The following BCKDHB variants were observed in gnomAD, a reference collection of about 807,000 sequenced individuals.
The protein encoded by BCKDHB is 2-oxoisovalerate dehydrogenase subunit beta, mitochondrial.
BCKDHB carries 41 observed loss-of-function variants against 48.5 expected under a neutral mutation model. The ratio of observed to expected loss-of-function variants is 0.85; its 90% CI spans 0.66 to 1.10. The LOEUF is 1.10. Among genes scored for constraint, BCKDHB ranks in the 50% least tolerant of loss-of-function variants. BCKDHB has a pLI of 0.00. For missense variants in BCKDHB, 496 were observed against 494.2 expected (o/e 1.00, Z -0.03); for synonymous variants, 201 against 174.8 (o/e 1.15, Z -1.18).
At chr6:80,430,930 C>G in the BCKDHB span, among the ~76,000 whole-genome samples, 1 of 151,806 alleles carries the variant, frequency 6.6e-6, no homozygotes. Context: ...GATTTTATAT[C>G]TTTCCTGTCT....
chr6:80,154,984 A>G (rs1409203256), intron 3 of BCKDHB, among the ~76,000 whole-genome samples: 1 of 152,214 alleles, frequency 6.6e-6, no homozygotes, highest in Admixed American at 6.5e-5. Flanking sequence ...AGAAACATGT[A>G]TAAATTTCCA....
At chr6:80,129,121 A>T in intron 2 of BCKDHB, 40 bp from the exon 3 acceptor site, 1 of 1,363,818 alleles carries the variant, frequency 7.3e-7, no homozygotes, top group Admixed American at 1.7e-5. Flanking sequence ...TTATTTAGAG[A>T]TTATTAAATA....
chr6:80,457,235 C>G, the BCKDHB span, among the ~76,000 whole-genome samples: 140,034 of 152,264 alleles, frequency 0.92, 64,482 homozygotes, highest in East Asian at 0.99. Flanking sequence ...GTGAGCTTGG[C>G]ACACGTGAGT....
intron 9 of BCKDHB, among the ~76,000 whole-genome samples, chr6:80,323,889 C>T (rs1045668184): frequency 4.5e-4 from 68 of 152,260 alleles, no homozygotes; most frequent in African/African-American, 1.6e-3. Flanking sequence ...TCTCCTGTCT[C>T]AGCCTCCGGA....
chr6:80,276,140 G>A (rs1229890434), intron 9 of BCKDHB, among the ~76,000 whole-genome samples: 1 of 151,908 alleles, frequency 6.6e-6, no homozygotes, highest in Non-Finnish European at 1.5e-5. Context: ...TTCAACAAAT[G>A]CAAGTTTTAT....
intron 8 of BCKDHB, among the ~76,000 whole-genome samples, chr6:80,224,086 A>G (rs995981002): frequency 2.6e-5 from 4 of 152,208 alleles, no homozygotes; most frequent in Non-Finnish European, 5.9e-5. Flanking sequence ...AAAATGTTTC[A>G]CAATTATGAG....
chr6:80,321,391 T>A (rs567047188), intron 9 of BCKDHB, among the ~76,000 whole-genome samples: 1 of 152,348 alleles, frequency 6.6e-6, no homozygotes, highest in South Asian at 2.1e-4. Flanking sequence ...TCTATAGTCC[T>A]ATCCCTCGTC....
chr6:80,168,525 AT>A (rs1234423575), intron 4 of BCKDHB, among the ~76,000 whole-genome samples: 2 of 118,360 alleles, frequency 1.7e-5, no homozygotes, highest in Non-Finnish European at 3.4e-5. Flanking sequence ...TCATTGTGCT[AT>A]GGGAAAGGAA....
the BCKDHB span, chr6:80,356,044 A>G: frequency 6.6e-6 from 1 of 152,324 alleles, no homozygotes; most frequent in South Asian, 2.1e-4. Context: ...CAGGCCTCAC[A>G]GCTGTTCATC....
the BCKDHB span, among the ~76,000 whole-genome samples, chr6:80,443,144 C>T: frequency 6.6e-6 from 1 of 152,098 alleles, no homozygotes; most frequent in African/African-American, 2.4e-5. Context: ...TCCCTTTTCC[C>T]ACCTCCTCAA....
chr6:80,398,172 T>A, the BCKDHB span, among the ~76,000 whole-genome samples: 1 of 151,022 alleles, frequency 6.6e-6, no homozygotes, highest in Non-Finnish European at 1.5e-5. Context: ...TAAAAAAAAA[T>A]TAGGGAAGCC....
At chr6:80,202,029 T>C (rs567673778) in intron 7 of BCKDHB, among the ~76,000 whole-genome samples, 63 of 152,234 alleles carry the variant, frequency 4.1e-4, no homozygotes, top group African/African-American at 1.5e-3. Context: ...ATATTGTCCT[T>C]GGTGGGTGTG....
intron 9 of BCKDHB, among the ~76,000 whole-genome samples, chr6:80,303,650 C>CGT (rs372735913): frequency 1.2e-3 from 181 of 150,644 alleles, no homozygotes; most frequent in Middle Eastern, 3.4e-3. Flanking sequence ...AAAATCCATG[C>CGT]GTGTGTGTGT....
At chr6:80,210,152 A>C (rs1007379616) in intron 8 of BCKDHB, among the ~76,000 whole-genome samples, 2 of 143,142 alleles carry the variant, frequency 1.4e-5, no homozygotes, top group Non-Finnish European at 3.1e-5. Flanking sequence ...AAAAAAAAAA[A>C]AACCAGAAGC....
the BCKDHB span, among the ~76,000 whole-genome samples, chr6:80,451,773 T>C: frequency 3.3e-5 from 5 of 151,736 alleles, no homozygotes; most frequent in Non-Finnish European, 5.9e-5. Context: ...TATCACAGTA[T>C]CACAGGTCAG....
the BCKDHB span, among the ~76,000 whole-genome samples, chr6:80,395,922 T>C: frequency 6.6e-6 from 1 of 152,114 alleles, no homozygotes; most frequent in East Asian, 1.9e-4. Flanking sequence ...CTTCAGAGAG[T>C]ACAAACCTCA....
chr6:80,202,929 T>A (rs1177236347), intron 7 of BCKDHB, among the ~76,000 whole-genome samples, 173 bp from the exon 8 acceptor site: 1 of 152,140 alleles, frequency 6.6e-6, no homozygotes, highest in East Asian at 1.9e-4. Flanking sequence ...TCTATACTTG[T>A]TATTTTCGCA....
At chr6:80,124,103 C>T (rs1413894531) in intron 1 of BCKDHB, among the ~76,000 whole-genome samples, 1 of 152,180 alleles carries the variant, frequency 6.6e-6, no homozygotes, top group Non-Finnish European at 1.5e-5. Flanking sequence ...TCTTTGCTCT[C>T]ATTGATTTCA....
At chr6:80,140,262 GA>G (rs1193030664) in intron 3 of BCKDHB, among the ~76,000 whole-genome samples, 1 of 152,196 alleles carries the variant, frequency 6.6e-6, no homozygotes, top group Non-Finnish European at 1.5e-5. Flanking sequence ...GGGACAATTT[GA>G]CTTCCTCTTT....
Sources: gnomAD v4.1 joint callset for allele counts (sites outside exome capture counted in the v4.1 genomes callset) on GRCh38, gnomAD v4.1.1 for gene constraint, MANE v1.5 for transcripts, NCBI Gene and HGNC (gene_info 2026-07-23, HGNC 2026-07-21) for gene names.